Variants in PIAS1 observed in about 807,000 individuals in gnomAD.
PIAS1 encodes E3 SUMO-protein ligase PIAS1.
PIAS1 carries 6 observed loss-of-function variants against 71.3 expected under a neutral mutation model. The observed-to-expected ratio is 0.08, with a 90% CI of 0.05 to 0.17. The LOEUF (loss-of-function observed/expected upper bound fraction) is 0.17. Ranked by LOEUF, PIAS1 falls within the 10% of genes least tolerant of loss-of-function variation. The pLI, the probability that PIAS1 is intolerant of heterozygous loss-of-function variation, is 1.00. For synonymous variants in PIAS1, 303 were observed against 292.9 expected (o/e 1.03, Z -0.35); for missense variants, 555 against 793.6 (o/e 0.70, Z 3.61).
At chr15:68,076,332 C>T (rs1157498266) in intron 1 of PIAS1, among the ~76,000 whole-genome samples, 1 of 151,928 alleles carries the variant, frequency 6.6e-6, no homozygotes, top group Non-Finnish European at 1.5e-5. Flanking sequence ...ACGGTGAAAG[C>T]GCGTCTTTAC....
At chr15:68,122,220 A>G (rs1269375706) in intron 2 of PIAS1, among the ~76,000 whole-genome samples, 1 of 152,210 alleles carries the variant, frequency 6.6e-6, no homozygotes, top group Non-Finnish European at 1.5e-5. Context: ...GGGAAGCATC[A>G]AAGGGGAAAA....
At chr15:68,140,563 A>C (rs2141045583) in intron 2 of PIAS1, among the ~76,000 whole-genome samples, 1 of 152,304 alleles carries the variant, frequency 6.6e-6, no homozygotes. Context: ...ATCCTAGAAC[A>C]CATAAAGCAG....
At chr15:68,096,288 G>A (rs779843290) in intron 2 of PIAS1, among the ~76,000 whole-genome samples, 4 of 152,166 alleles carry the variant, frequency 2.6e-5, no homozygotes, top group Admixed American at 6.5e-5. Flanking sequence ...CCATTGGTCT[G>A]TATGTCTTTA....
intron 8 of PIAS1, among the ~76,000 whole-genome samples, chr15:68,165,127 T>C (rs2092949133): frequency 6.6e-6 from 1 of 152,196 alleles, no homozygotes; most frequent in Non-Finnish European, 1.5e-5. Context: ...TTTTTATTAT[T>C]GTTATTTTTT....
intron 1 of PIAS1, among the ~76,000 whole-genome samples, chr15:68,058,989 A>G (rs1204281388): frequency 6.7e-6 from 1 of 148,712 alleles, no homozygotes; most frequent in East Asian, 2.0e-4. Flanking sequence ...AGTCCCTGTC[A>G]GATTATTCTA....
intron 2 of PIAS1, among the ~76,000 whole-genome samples, chr15:68,134,857 C>T (rs1226371309): frequency 1.1e-4 from 5 of 47,236 alleles, no homozygotes; most frequent in Admixed American, 1.7e-4. Context: ...ACCCCCCCAC[C>T]GCCCTCCCGG....
chr15:68,168,461 A>G (rs1205996821), intron 8 of PIAS1, among the ~76,000 whole-genome samples: 1 of 152,206 alleles, frequency 6.6e-6, no homozygotes, highest in Non-Finnish European at 1.5e-5. Flanking sequence ...TAATATAGAT[A>G]GCACTATTAT....
intron 7 of PIAS1, among the ~76,000 whole-genome samples, chr15:68,161,553 T>G (rs1306568807): frequency 6.6e-6 from 1 of 151,772 alleles, no homozygotes; most frequent in Non-Finnish European, 1.5e-5. Context: ...TTCTCCCACC[T>G]CTGAGAGAAA....
chr15:68,116,019 G>A (rs1007553877), intron 2 of PIAS1, among the ~76,000 whole-genome samples: 1 of 151,876 alleles, frequency 6.6e-6, no homozygotes, highest in African/African-American at 2.4e-5. Context: ...GTCTCATTTT[G>A]GTACCAAAGT....
intron 2 of PIAS1, among the ~76,000 whole-genome samples, chr15:68,127,861 C>T (rs1345681166): frequency 6.6e-6 from 1 of 152,132 alleles, no homozygotes; most frequent in African/African-American, 2.4e-5. Context: ...CTGCAGGGTT[C>T]AAGCAATTCT....
chr15:68,102,582 A>G (rs932735678), intron 2 of PIAS1, among the ~76,000 whole-genome samples: 2 of 152,310 alleles, frequency 1.3e-5, no homozygotes, highest in Admixed American at 6.5e-5. Context: ...TGAACATGGT[A>G]TGTTGCCATT....
At chr15:68,181,400 C>T in intron 12 of PIAS1, 46 bp downstream of exon 12, 5 of 1,575,192 alleles carry the variant, frequency 3.2e-6, no homozygotes, top group Non-Finnish European at 4.4e-6. Context: ...TTATGAATGC[C>T]TTTGATCTAT....
chr15:68,061,220 C>T (rs1347840288), intron 1 of PIAS1, among the ~76,000 whole-genome samples: 1 of 152,206 alleles, frequency 6.6e-6, no homozygotes, highest in African/African-American at 2.4e-5. Context: ...ATTAGGATTT[C>T]TTTGAAATAG....
In PIAS1 at chr15:68,189,230, A is replaced by C. The variant is rs2093106929; in HGVS notation, c.*1395A>C. The C allele has an allele frequency of 6.6e-6, 1 of 152,198 alleles. No homozygotes were observed. Among genetic ancestry groups the C allele is most frequent in the Non-Finnish European group, 1.5e-5 (1 of 68,024 alleles). 9.4% of individuals were successfully genotyped at this position (152,198 alleles called of 1,614,324 possible). A position where few individuals can be genotyped will look rare whatever the true frequency, so the allele number is the denominator to read the frequency against. On this transcript the variant is annotated 3_prime_UTR_variant, in exon 14 of 14. Transcript: ENST00000249636. ...GAGAAATATGAGTTGGAGGGAAGGA[A>C]AAGTGGTTCTACTAATGTTCCAAAA...
rs148542287 is a variant in PIAS1, at chr15:68,149,204, G to T, written c.828+2504G>T. 4.0e-3 allele frequency among the ~76,000 whole-genome samples: 604 copies of T among 152,162 alleles called. 4 individuals are homozygous for T. The highest frequency in any genetic ancestry group is 6.5e-3 in the Non-Finnish European group (441 of 67,998). On this transcript the variant is annotated intron_variant, in intron 6 of 13. Coordinates refer to ENST00000249636, the MANE Select transcript of PIAS1 (RefSeq NM_016166.3). ...AATGCCTGTGAGACATCCTGAATAG[G>T]CAGTGGGGCAGATAGGCTTAAAGGA...
chr15:68,071,213 C>A (rs369045401), intron 1 of PIAS1, among the ~76,000 whole-genome samples: 2 of 135,426 alleles, frequency 1.5e-5, no homozygotes, highest in East Asian at 2.6e-4. Flanking sequence ...CCCGCCCCCC[C>A]GCCCCTACCT....
intron 6 of PIAS1, among the ~76,000 whole-genome samples, chr15:68,152,153 G>A (rs1412208058): frequency 6.6e-6 from 1 of 151,580 alleles, no homozygotes; most frequent in Non-Finnish European, 1.5e-5. Context: ...GTTTTACCAC[G>A]TTAGCCAGGA....
chr15:68,178,833 C>CT lies in PIAS1; in HGVS notation c.1481+2180dup, dbSNP rs2093035635. ...AGAAAACATTTGAGTGTTTAGGAAT[C>CT]TAATATTTCTTCTTTGGATATTTAC... On this transcript the variant is annotated intron_variant, in intron 11 of 13. Coordinates refer to ENST00000249636, the MANE Select transcript of PIAS1 (RefSeq NM_016166.3). The surrounding 1 kb of genome is among the most constrained non-coding windows in gnomAD (Gnocchi z 4.2). 6.6e-6 allele frequency among the ~76,000 whole-genome samples: 1 copy of CT among 151,938 alleles called. No homozygotes were observed. The highest frequency in any genetic ancestry group is 2.4e-5 in the African/African-American group (1 of 41,392).
intron 2 of PIAS1, among the ~76,000 whole-genome samples, chr15:68,130,819 A>G (rs2092683936): frequency 6.6e-6 from 1 of 152,194 alleles, no homozygotes; most frequent in Non-Finnish European, 1.5e-5. Context: ...TGATAGAGAT[A>G]TATATCCTCT....
Sources: gnomAD v4.1 joint callset for allele counts (sites outside exome capture counted in the v4.1 genomes callset) on GRCh38, gnomAD v4.1.1 for gene constraint, Gnocchi (gnomAD v3.1) non-coding constraint, MANE v1.5 for transcripts, NCBI Gene and HGNC (gene_info 2026-07-23, HGNC 2026-07-21) for gene names.